The following RAB3IL1 variants were observed in gnomAD, a reference collection of about 807,000 sequenced individuals.
RAB3IL1 encodes RAB3A interacting protein like 1.
RAB3IL1 carries 37 observed loss-of-function variants against 49.2 expected under a neutral mutation model. That is an observed-to-expected ratio of 0.75 (90% CI 0.58 to 0.99). RAB3IL1 has a LOEUF of 0.99. Among genes scored for constraint, RAB3IL1 ranks in the 50% least tolerant of loss-of-function variants. The probability of loss-of-function intolerance (pLI) is 0.00; values close to 1 mark genes in which losing one functional copy is unlikely to be tolerated. For missense variants in RAB3IL1, 484 were observed against 513.0 expected, an observed-to-expected ratio of 0.94 and a Z score of 0.55; for synonymous variants, 193 against 213.9, an observed-to-expected ratio of 0.90 and a Z score of 0.85.
At chr11:61,912,390 C>A (rs1307877237) in intron 1 of RAB3IL1, among the ~76,000 whole-genome samples, 2 of 152,216 alleles carry the variant, frequency 1.3e-5, no homozygotes, top group South Asian at 2.1e-4. Flanking sequence ...GGTTGGTGGG[C>A]CAGCTCTCAG....
chr11:61,902,346 G>A, intron 8 of RAB3IL1, 96 bp downstream of exon 8: 1 of 990,714 alleles, frequency 1.0e-6, no homozygotes. Context: ...GTAAATCAAG[G>A]TGTAGTGCTA....
chr11:61,915,907 G>A (rs1011579949), intron 1 of RAB3IL1, among the ~76,000 whole-genome samples: 7 of 151,686 alleles, frequency 4.6e-5, no homozygotes, highest in East Asian at 1.9e-4. Flanking sequence ...GCGTGGTGGC[G>A]GGCGCCTGTA....
chr11:61,906,663 C>A lies in RAB3IL1; in HGVS notation c.460G>T (p.Val154Leu). 1 of 1,610,066 alleles carries A rather than the reference C, an allele frequency of 6.2e-7. No homozygotes were observed. The highest frequency in any genetic ancestry group is 1.1e-5 in the South Asian group (1 of 90,122). ...ATGACCAGCGTCTTCAAGGCTGTCA[C>A]CTCTGCCTGCAGCATGTCGATCTGC... Reference protein sequence around the residue: ...RGKIDMLQAEVTALKTLVITS... With the variant: ...RGKIDMLQAELTALKTLVITS... Residue 154 changes from valine to leucine, a missense_variant, in exon 5 of 10, where the codon GTG becomes TTG. Physicochemically the swap from Val to Leu is conservative, Grantham distance 32. Transcript: ENST00000394836. The surrounding 1 kb of genome is among the most constrained non-coding windows in gnomAD (Gnocchi z 4.6).
In RAB3IL1 at chr11:61,898,721, G is replaced by A. The variant is rs929189685; in HGVS notation, c.1067-361C>T. 1.9e-5 allele frequency: 9 copies of A among 483,998 alleles called. No individual in the cohort carries two copies. The highest frequency in any genetic ancestry group is 3.2e-5 in the Non-Finnish European group (8 of 246,562). The allele number at this position is 483,998 out of a possible 1,614,324, so 30.0% of individuals were successfully genotyped here. On this transcript the variant is annotated intron_variant, in intron 9 of 9. Coordinates refer to ENST00000394836, the MANE Select transcript of RAB3IL1 (RefSeq NM_013401.4). The surrounding 1 kb of genome is among the most constrained non-coding windows in gnomAD (Gnocchi z 5.1). Reference sequence around the variant, plus strand: ...CCCTGGGGTCTCACAAGGACCCTGCGCAGTGAGGCGGGGACCACAGCGGCC... The same window carrying A: ...CCCTGGGGTCTCACAAGGACCCTGCACAGTGAGGCGGGGACCACAGCGGCC...
the RAB3IL1 span, chr11:61,945,703 T>G: frequency 3.2e-6 from 3 of 939,196 alleles, no homozygotes; most frequent in Non-Finnish European, 2.5e-6. Context: ...GCTACCCACC[T>G]GCCACGAGCC....
intron 5 of RAB3IL1, among the ~76,000 whole-genome samples, chr11:61,905,782 C>G (rs544709466): frequency 1.3e-5 from 2 of 152,282 alleles, no homozygotes; most frequent in South Asian, 4.1e-4. Context: ...TACCTGGGTG[C>G]AGCCTTGAAC....
chr11:61,918,047 G>A (rs954942180), upstream of RAB3IL1, among the ~76,000 whole-genome samples: 3 of 151,960 alleles, frequency 2.0e-5, no homozygotes, highest in African/African-American at 7.3e-5. Context: ...TCCACTTCTG[G>A]TCCAACTCTC....
chr11:61,904,803 C>A lies in RAB3IL1; in HGVS notation c.737G>T (p.Arg246Met), dbSNP rs1282633317. The A allele has an allele frequency of 6.2e-7, 1 of 1,611,862 alleles. No individual in the cohort carries two copies. Among genetic ancestry groups the A allele is most frequent in the Non-Finnish European group, 8.5e-7 (1 of 1,179,390 alleles). ...TLDKTCPFLE[R>M]VYREDVGPCL... ...GGGGCCCACGTCCTCTCGGTACACC[C>A]TTTCCAGGAAGGGGCAGGTCTTGTC... is the stretch of plus-strand genomic sequence containing the variant. Residue 246 changes from arginine (R) to methionine (M), a missense_variant, in exon 6 of 10, where the codon AGG (arginine) becomes ATG (methionine). By Grantham distance (91) the Arg-to-Met change is moderately conservative (BLOSUM62 -1). Transcript: ENST00000394836.
At chr11:61,939,479 T>C in the RAB3IL1 span, among the ~76,000 whole-genome samples, 1 of 151,456 alleles carries the variant, frequency 6.6e-6, no homozygotes, top group African/African-American at 2.4e-5. Flanking sequence ...AAAAGTAGAA[T>C]AAACTAAACC....
chr11:61,940,479 A>G, the RAB3IL1 span, among the ~76,000 whole-genome samples: 1 of 151,800 alleles, frequency 6.6e-6, no homozygotes, highest in Non-Finnish European at 1.5e-5. Context: ...ACATAAATGA[A>G]TGAATAAAAA....
chr11:61,898,789 C>G lies in RAB3IL1; in HGVS notation c.1067-429G>C. 1 of 470,832 alleles carries G rather than the reference C, an allele frequency of 2.1e-6. No individual in the cohort carries two copies. The highest frequency in any genetic ancestry group is 1.5e-5 in the South Asian group (1 of 64,686). The allele number at this position is 470,832 out of a possible 1,614,324, so 29.2% of individuals were successfully genotyped here. ...GTGTCAACACCCAGCATGCCTTGGC[C>G]TTGGCCTCCAAGAGGACTTGACCCC... On this transcript the variant is annotated intron_variant, in intron 9 of 9. Transcript: ENST00000394836. The surrounding 1 kb of genome is among the most constrained non-coding windows in gnomAD (Gnocchi z 5.1).
At chr11:61,907,351 G>A (rs778012978) in intron 4 of RAB3IL1, 42 bp downstream of exon 4, 16 of 1,599,980 alleles carry the variant, frequency 1.0e-5, no homozygotes, top group Admixed American at 1.7e-5. Context: ...GGAGGCAGGG[G>A]GGGTGCCTGG....
Position 61,917,481 on chromosome 11 carries a change from A to T in RAB3IL1, c.-114T>A. 1 of 1,151,100 alleles carries T rather than the reference A, an allele frequency of 8.7e-7. No homozygotes were observed. The highest frequency in any genetic ancestry group is 1.1e-6 in the Non-Finnish European group (1 of 937,588). 71.3% of individuals were successfully genotyped at this position (1,151,100 alleles called of 1,614,324 possible). A position where few individuals can be genotyped will look rare whatever the true frequency, so the allele number is the denominator to read the frequency against. On this transcript the variant is annotated 5_prime_UTR_variant, in exon 1 of 10. Transcript: ENST00000394836. ...GGGCCGAGCCGCCCCACCGCCTGTC[A>T]GCCCTGCCCGCGGCCGGTCAGTAGG...
chr11:61,939,485 A>G, the RAB3IL1 span, among the ~76,000 whole-genome samples: 14 of 152,272 alleles, frequency 9.2e-5, no homozygotes, highest in South Asian at 1.4e-3. Flanking sequence ...AGAATAAACT[A>G]AACCCAAAGC....
chr11:61,910,287 G>A (rs1035557613), intron 1 of RAB3IL1, among the ~76,000 whole-genome samples: 3 of 152,208 alleles, frequency 2.0e-5, no homozygotes, highest in South Asian at 2.1e-4. Context: ...AGGGAGACTC[G>A]GAGGCTCCTC....
chr11:61,936,347 C>A, the RAB3IL1 span, among the ~76,000 whole-genome samples: 1 of 152,120 alleles, frequency 6.6e-6, no homozygotes, highest in Non-Finnish European at 1.5e-5. Flanking sequence ...AGATCAAAAC[C>A]AAGATACATT....
At chr11:61,920,141 C>G, upstream of RAB3IL1, 1 of 1,341,136 alleles carries the variant, frequency 7.5e-7, no homozygotes, top group Non-Finnish European at 9.7e-7. Context: ...GCCAGGAACA[C>G]GGGACATGTC....
chr11:61,912,708 A>C (rs1027446277), intron 1 of RAB3IL1, among the ~76,000 whole-genome samples: 5 of 152,084 alleles, frequency 3.3e-5, no homozygotes, highest in African/African-American at 1.2e-4. Flanking sequence ...TGTCACCCAG[A>C]GGAAAGGGGA....
intron 1 of RAB3IL1, among the ~76,000 whole-genome samples, chr11:61,911,642 A>G (rs1034401721): frequency 6.6e-6 from 1 of 152,138 alleles, no homozygotes; most frequent in African/African-American, 2.4e-5. Context: ...AAACCTCCTC[A>G]GTCCCCGTTC....
Sources: allele counts gnomAD v4.1 joint callset (sites outside exome capture counted in the v4.1 genomes callset), GRCh38; gene constraint gnomAD v4.1.1; non-coding constraint Gnocchi (gnomAD v3.1); transcripts MANE v1.5; gene names NCBI Gene and HGNC (gene_info 2026-07-23, HGNC 2026-07-21).